Variants in CTNNA3 observed in about 807,000 individuals in gnomAD.
CTNNA3 encodes catenin alpha 3.
A neutral mutation model predicts 95.7 loss-of-function variants in CTNNA3; 76 were observed. The observed-to-expected ratio is 0.79, with a 90% confidence interval of 0.66 to 0.96. CTNNA3 has a LOEUF of 0.96. CTNNA3 is among the 40% of genes least tolerant of loss of function. The probability of loss-of-function intolerance (pLI) is 0.00; values close to 1 mark genes in which losing one functional copy is unlikely to be tolerated. For missense variants in CTNNA3, 1,191 were observed against 1,089.8 expected, an observed-to-expected ratio of 1.09 and a Z score of -1.31; for synonymous variants, 431 against 374.4, an observed-to-expected ratio of 1.15 and a Z score of -1.74.
chr10:66,675,207 C>T (rs536047826), intron 9 of CTNNA3, among the ~76,000 whole-genome samples: 1 of 152,054 alleles, frequency 6.6e-6, no homozygotes, highest in South Asian at 2.1e-4. Context: ...ATTGTCAGCT[C>T]CTTGATTAAA....
chr10:66,313,332 A>G (rs2092050535), intron 12 of CTNNA3, among the ~76,000 whole-genome samples: 1 of 152,172 alleles, frequency 6.6e-6, no homozygotes, highest in Non-Finnish European at 1.5e-5. Flanking sequence ...TTGGGGGAGG[A>G]TTAAATGAGA....
In CTNNA3 at chr10:67,566,042, T is replaced by TATAC. The variant is rs1437796362; in HGVS notation, c.293-26374_293-26373insGTAT. On this transcript the variant is annotated intron_variant, in intron 3 of 17. Transcript: ENST00000433211. Reference sequence around the variant, plus strand: ...ACACACACACACACATATGTGTGTGTGTATATATATATATATATATATATA... The same window carrying TATAC: ...ACACACACACACACATATGTGTGTGTATACGTATATATATATATATATATATATA... Among the ~76,000 whole-genome samples the TATAC allele has an allele frequency of 1.5e-4, 7 of 45,414 alleles. 3 individuals are homozygous for TATAC. Among genetic ancestry groups the TATAC allele is most frequent in the Admixed American group, 5.3e-4 (2 of 3,802 alleles). The allele number at this position is 45,414 out of a possible 152,430, so 29.8% of individuals were successfully genotyped here. A position where few individuals can be genotyped will look rare whatever the true frequency, so the allele number is the denominator to read the frequency against.
chr10:67,021,072 G>C (rs1158330780), intron 7 of CTNNA3, among the ~76,000 whole-genome samples: 1 of 152,110 alleles, frequency 6.6e-6, no homozygotes, highest in Non-Finnish European at 1.5e-5. Flanking sequence ...TTTGCAGTGG[G>C]TTGATTATAT....
At chr10:67,672,655 A>G (rs988965492) in intron 1 of CTNNA3, among the ~76,000 whole-genome samples, 14 of 152,044 alleles carry the variant, frequency 9.2e-5, no homozygotes, top group South Asian at 4.2e-4. Context: ...GGTTTGTCAA[A>G]GATCAGATGG....
chr10:66,325,710 A>T (rs187324180), intron 12 of CTNNA3, among the ~76,000 whole-genome samples: 1 of 152,218 alleles, frequency 6.6e-6, no homozygotes, highest in Non-Finnish European at 1.5e-5. Context: ...CTGTTTAGCC[A>T]CAAGAACTAC....
In CTNNA3 at chr10:66,350,052, G is replaced by A. The variant is rs187295149; in HGVS notation, c.1732+29100C>T. Among the ~76,000 whole-genome samples, 216 of 152,200 alleles carry A rather than the reference G, an allele frequency of 1.4e-3. 3 individuals are homozygous for A. The highest frequency in any genetic ancestry group is 5.1e-3 in the African/African-American group (211 of 41,550). ...CAACGTAACACATTGGTGATATAAA[G>A]TTATATCATTCAGTGTAAAGGATTA... is the stretch of plus-strand genomic sequence containing the variant. On this transcript the variant is annotated intron_variant, in intron 12 of 17. Transcript: ENST00000433211.
At chr10:67,465,703 G>C (rs1847564068) in intron 5 of CTNNA3, among the ~76,000 whole-genome samples, 1 of 152,000 alleles carries the variant, frequency 6.6e-6, no homozygotes. Flanking sequence ...CTGCCTATCA[G>C]AAAAATAAAC....
At chr10:66,622,311 C>T (rs980004691) in intron 9 of CTNNA3, among the ~76,000 whole-genome samples, 1 of 152,170 alleles carries the variant, frequency 6.6e-6, no homozygotes, top group Non-Finnish European at 1.5e-5. Flanking sequence ...TGATTTTCCA[C>T]TACAACTTCA....
chr10:67,132,373 T>C (rs1216794725), intron 7 of CTNNA3, among the ~76,000 whole-genome samples: 1 of 151,844 alleles, frequency 6.6e-6, no homozygotes, highest in Non-Finnish European at 1.5e-5. Context: ...AGAAAGAAAA[T>C]GGAAAGTGGT....
intron 10 of CTNNA3, among the ~76,000 whole-genome samples, chr10:66,612,707 C>G (rs1446571407): frequency 1.3e-5 from 2 of 152,114 alleles, no homozygotes; most frequent in African/African-American, 4.8e-5. Context: ...AAAGAAACAA[C>G]GTGGCTTAGA....
chr10:67,349,219 C>A (rs1177873061), intron 5 of CTNNA3, among the ~76,000 whole-genome samples: 1 of 152,122 alleles, frequency 6.6e-6, no homozygotes. Flanking sequence ...TCCAAAAGAA[C>A]TGAGATCAGG....
intron 1 of CTNNA3, among the ~76,000 whole-genome samples, chr10:67,659,649 G>T (rs2133519571): frequency 6.6e-6 from 1 of 152,294 alleles, no homozygotes; most frequent in African/African-American, 2.4e-5. Flanking sequence ...TGAATCACCA[G>T]AACAAGAATA....
chr10:66,540,710 A>T (rs962202997), intron 10 of CTNNA3, among the ~76,000 whole-genome samples: 4 of 146,118 alleles, frequency 2.7e-5, no homozygotes, highest in African/African-American at 1.0e-4. Flanking sequence ...AGAGCCAGGC[A>T]CCTAGTTTAA....
intron 9 of CTNNA3, among the ~76,000 whole-genome samples, chr10:66,726,000 A>C (rs1197009078): frequency 6.6e-6 from 1 of 152,102 alleles, no homozygotes; most frequent in Non-Finnish European, 1.5e-5. Flanking sequence ...AGGAAAAACA[A>C]AAGCGGTATG....
At chr10:66,322,708 C>A (rs974223445) in intron 12 of CTNNA3, among the ~76,000 whole-genome samples, 2 of 152,158 alleles carry the variant, frequency 1.3e-5, no homozygotes, top group Non-Finnish European at 2.9e-5. Flanking sequence ...TTGGGAAGAA[C>A]AAGAATCCTG....
intron 13 of CTNNA3, among the ~76,000 whole-genome samples, chr10:66,273,236 T>C (rs10997027): frequency 0.15 from 23,350 of 152,032 alleles, 1,962 homozygotes; most frequent in East Asian, 0.28. Context: ...TAAGGGTTAC[T>C]TGAACACAAG....
chr10:66,725,702 A>G (rs562271774), intron 9 of CTNNA3, among the ~76,000 whole-genome samples: 4 of 152,230 alleles, frequency 2.6e-5, no homozygotes, highest in South Asian at 4.1e-4. Flanking sequence ...AGCTATACGA[A>G]GTACATGATA....
chr10:66,414,609 C>T (rs914460667), intron 11 of CTNNA3, among the ~76,000 whole-genome samples: 1 of 152,132 alleles, frequency 6.6e-6, no homozygotes, highest in African/African-American at 2.4e-5. Flanking sequence ...CTTCACATTC[C>T]TTGTGACCTA....
intron 7 of CTNNA3, among the ~76,000 whole-genome samples, chr10:67,156,461 G>A (rs985184981): frequency 6.6e-6 from 1 of 151,332 alleles, no homozygotes; most frequent in African/African-American, 2.4e-5. Flanking sequence ...CATTCCATGA[G>A]CTTGGTGTGC....
Sources: gnomAD v4.1 joint callset for allele counts (sites outside exome capture counted in the v4.1 genomes callset) on GRCh38, gnomAD v4.1.1 for gene constraint, MANE v1.5 for transcripts, NCBI Gene and HGNC (gene_info 2026-07-23, HGNC 2026-07-21) for gene names.